Variants in NECAB3 observed in about 807,000 individuals in gnomAD.
The protein encoded by NECAB3 is N-terminal EF-hand calcium binding protein 3.
In NECAB3, 38 loss-of-function variants were observed where a neutral mutation model predicts 57.2. The ratio of observed to expected loss-of-function variants is 0.66; its 90% CI spans 0.51 to 0.87. NECAB3 has a LOEUF of 0.87. NECAB3 is among the 40% of genes least tolerant of loss of function. The probability of loss-of-function intolerance (pLI) is 0.00; values close to 1 mark genes in which losing one functional copy is unlikely to be tolerated. For synonymous variants in NECAB3, 223 were observed against 222.6 expected (o/e 1.00, Z -0.02); for missense variants, 474 against 527.5 (o/e 0.90, Z 0.99).
intron 1 of NECAB3, among the ~76,000 whole-genome samples, chr20:33,672,666 G>C (rs1234005495): frequency 1.3e-5 from 2 of 152,214 alleles, no homozygotes; most frequent in African/African-American, 4.8e-5. Flanking sequence ...CTGGCCTCGT[G>C]GGGGGTGCTC....
At chr20:33,667,317 C>A in intron 5 of NECAB3, 1 of 781,574 alleles carries the variant, frequency 1.3e-6, no homozygotes, top group Non-Finnish European at 1.8e-6. Context: ...CCATCAAGCA[C>A]GGCGTGGTGG....
Position 33,660,019 on chromosome 20 carries a change from C to T in NECAB3, c.525-16G>A. 1 of 1,571,430 alleles carries T rather than the reference C, an allele frequency of 6.4e-7. No homozygotes were observed. Among genetic ancestry groups the T allele is most frequent in the Non-Finnish European group, 8.6e-7 (1 of 1,160,188 alleles). On this transcript the variant is annotated splice_polypyrimidine_tract_variant and intron_variant, in intron 6 of 11. Coordinates refer to ENST00000246190, the MANE Select transcript of NECAB3 (RefSeq NM_031232.4). The surrounding 1 kb of genome is among the most constrained non-coding windows in gnomAD (Gnocchi z 4.1). ...TGCATCTGACCTAGAGGAAGTGAGG[C>T]TCACAGGGCCGAGGACTGGGGCCCC...
At chr20:33,662,273 C>G in intron 5 of NECAB3, 2 of 1,527,750 alleles carry the variant, frequency 1.3e-6, no homozygotes, top group Non-Finnish European at 1.8e-6. Flanking sequence ...CGTGAGGTCA[C>G]AATGTTGCCA....
At chr20:33,663,811 G>A in intron 5 of NECAB3, 2 of 1,385,492 alleles carry the variant, frequency 1.4e-6, no homozygotes, top group South Asian at 1.5e-5. Context: ...CCGCGAAGCC[G>A]GCCCCGCCGA....
In NECAB3 at chr20:33,658,662, GCACCCCTCTCTGCT is replaced by G. The variant is rs2017359211; in HGVS notation, c.992+46_992+59del. ...GACCCACCCAGGATGGCCAGCCCCA[GCACCCCTCTCTGCT>G]CACCCCCTCCCCACTGGCCATCCCA... On this transcript the variant is annotated intron_variant, in intron 9 of 11. Coordinates refer to ENST00000246190, the MANE Select transcript of NECAB3 (RefSeq NM_031232.4). 7 of 1,595,782 alleles carry G rather than the reference GCACCCCTCTCTGCT, an allele frequency of 4.4e-6. No homozygotes were observed. The South Asian group carries it at 7.7e-5, about 18-fold the overall frequency.
chr20:33,672,327 C>T, intron 2 of NECAB3, 71 bp downstream of exon 2: 2 of 1,589,168 alleles, frequency 1.3e-6, no homozygotes, highest in Admixed American at 1.7e-5. Flanking sequence ...CCCAACCTCC[C>T]AACTCTCCCT....
rs773994003 is a variant in NECAB3 at position 33,672,441 on chromosome 20, T to G, written c.130-19A>C. On this transcript the variant is annotated intron_variant, in intron 1 of 11. Transcript: ENST00000246190. ...GGAAAACCTAGAGGACAAAGGGACA[T>G]AGAGAGAACTGTGAGTGCCACCTGG... 9.3e-6 allele frequency: 15 copies of G among 1,614,010 alleles called. No individual in the cohort carries two copies. Among genetic ancestry groups the G allele is most frequent in the Non-Finnish European group, 1.2e-5 (14 of 1,179,976 alleles).
intron 2 of NECAB3, 59 bp downstream of exon 2, chr20:33,672,339 G>T (rs1293811553): frequency 4.2e-5 from 67 of 1,604,678 alleles, no homozygotes; most frequent in Non-Finnish European, 5.5e-5. Flanking sequence ...ACTCTCCCTG[G>T]GCCTCCTGGA....
At chr20:33,663,998 G>A in intron 5 of NECAB3, 2 of 781,392 alleles carry the variant, frequency 2.6e-6, no homozygotes, top group Non-Finnish European at 3.7e-6. Context: ...GGGTGAACGG[G>A]GCGTGATGAA....
At chr20:33,666,007 C>A (rs539697273) in intron 5 of NECAB3, among the ~76,000 whole-genome samples, 1 of 152,206 alleles carries the variant, frequency 6.6e-6, no homozygotes, top group African/African-American at 2.4e-5. Flanking sequence ...CACTTGAACT[C>A]GGAAGGCAGA....
chr20:33,674,736 A>G (rs1302271634), upstream of NECAB3: 1 of 152,472 alleles, frequency 6.6e-6, no homozygotes, highest in African/African-American at 2.4e-5. Context: ...CCTCATCTAC[A>G]AAAATGGTAC....
rs532626348 is a variant in NECAB3, at chr20:33,660,408, G to C, written c.388-13C>G. 3.1e-6 allele frequency: 5 copies of C among 1,611,728 alleles called. No homozygotes were observed. Among genetic ancestry groups the C allele is most frequent in the Non-Finnish European group, 4.2e-6 (5 of 1,178,622 alleles). ...CCCTCTCGTACTCCTGTGGGCCAAG[G>C]AGGGACGGTCAGCATCTCCCAGCCC... On this transcript the variant is annotated splice_polypyrimidine_tract_variant and intron_variant, in intron 5 of 11. Transcript: ENST00000246190. This position sits in a 1 kb window ranked among gnomAD's most constrained non-coding sequence, Gnocchi z 4.1.
chr20:33,667,309 A>G (rs79854256), intron 5 of NECAB3: 462 of 729,424 alleles, frequency 6.3e-4, no homozygotes, highest in Non-Finnish European at 8.4e-4. Context: ...GGCGCACCCC[A>G]TCAAGCACGG....
At chr20:33,667,510 G>A (rs371361236) in intron 5 of NECAB3, 87 of 1,520,508 alleles carry the variant, frequency 5.7e-5, no homozygotes, top group Non-Finnish European at 7.2e-5. Context: ...GGCTAGCACC[G>A]CGTTGCTGGC....
In NECAB3 at chr20:33,674,307, C is replaced by T; in HGVS notation, c.46G>A (p.Ala16Thr). The T allele has an allele frequency of 3.3e-6, 4 of 1,221,162 alleles. No homozygotes were observed. Among genetic ancestry groups the T allele is most frequent in the Non-Finnish European group, 4.1e-6 (4 of 980,854 alleles). The allele number at this position is 1,221,162 out of a possible 1,614,324, so 75.6% of individuals were successfully genotyped here. A position where few individuals can be genotyped will look rare whatever the true frequency, so the allele number is the denominator to read the frequency against. ...GGGGTCTGGGGCTGGGGCTGGGGCG[C>T]GGGCGGCCGGAGCAGGCACACGGTG... ...LLTVCLLRPP[A>T]PQPQPQTPRH... The change falls in exon 1 of 12, where the codon GCG (alanine) becomes ACG (threonine). Residue 16 changes from alanine to threonine, a missense_variant. Physicochemically the swap from Ala to Thr is moderately conservative, Grantham distance 58. Coordinates refer to ENST00000246190, the MANE Select transcript of NECAB3 (RefSeq NM_031232.4).
At chr20:33,667,882 C>T in intron 5 of NECAB3, 1 of 1,593,958 alleles carries the variant, frequency 6.3e-7, no homozygotes, top group Non-Finnish European at 8.5e-7. Flanking sequence ...ACCCATCTTC[C>T]AGCCGGGCCT....
At chr20:33,663,777 C>T (rs540858485) in intron 5 of NECAB3, 4 of 1,434,664 alleles carry the variant, frequency 2.8e-6, no homozygotes, top group African/African-American at 3.0e-5. Flanking sequence ...TGCTCTCGCG[C>T]TTCCGGTCCC....
chr20:33,660,024 A>AG lies in NECAB3; in HGVS notation c.525-22dup, dbSNP rs779368398. ...CTGACCTAGAGGAAGTGAGGCTCAC[A>AG]GGGCCGAGGACTGGGGCCCCAGGAC... On this transcript the variant is annotated intron_variant, in intron 6 of 11. Coordinates refer to ENST00000246190, the MANE Select transcript of NECAB3 (RefSeq NM_031232.4). The surrounding 1 kb of genome is among the most constrained non-coding windows in gnomAD (Gnocchi z 4.1). 1 of 1,569,354 alleles carries AG rather than the reference A, an allele frequency of 6.4e-7. No individual in the cohort carries two copies. Among genetic ancestry groups the AG allele is most frequent in the Non-Finnish European group, 8.6e-7 (1 of 1,158,726 alleles).
chr20:33,667,508 C>G, intron 5 of NECAB3: 1 of 1,520,746 alleles, frequency 6.6e-7, no homozygotes, highest in Non-Finnish European at 8.8e-7. Context: ...ATGGCTAGCA[C>G]CGCGTTGCTG....
Sources: allele counts gnomAD v4.1 joint callset (sites outside exome capture counted in the v4.1 genomes callset), GRCh38; gene constraint gnomAD v4.1.1; non-coding constraint Gnocchi (gnomAD v3.1); transcripts MANE v1.5; gene names NCBI Gene and HGNC (gene_info 2026-07-23, HGNC 2026-07-21).